PANK1: variants seen among roughly 807,000 people sequenced by gnomAD.
PANK1 encodes the protein pantothenate kinase 1, also known as pantothenic acid kinase 1.
In PANK1, 18 loss-of-function variants were observed where a neutral mutation model predicts 40.1. That is an observed-to-expected ratio of 0.45 (90% CI 0.31 to 0.67). PANK1 has a LOEUF of 0.67. PANK1 is among the 30% of genes least tolerant of loss of function. The pLI, the probability that PANK1 is intolerant of heterozygous loss-of-function variation, is 0.06. For missense variants in PANK1, 457 were observed against 599.6 expected, an observed-to-expected ratio of 0.76 and a Z score of 2.48; for synonymous variants, 242 against 237.7, an observed-to-expected ratio of 1.02 and a Z score of -0.17.
chr10:89,608,438 C>T (rs892687107), intron 2 of PANK1, among the ~76,000 whole-genome samples: 25 of 152,254 alleles, frequency 1.6e-4, no homozygotes. Flanking sequence ...CAGACCTGTT[C>T]AACTGAGAGT....
At chr10:89,637,398 G>A (rs1186935588) in intron 1 of PANK1, among the ~76,000 whole-genome samples, 1 of 152,166 alleles carries the variant, frequency 6.6e-6, no homozygotes, top group South Asian at 2.1e-4. Context: ...AACCCTAGAC[G>A]CTATAGCCTA....
At chr10:89,643,482 C>G (rs1029458576) in intron 1 of PANK1, among the ~76,000 whole-genome samples, 13 of 152,218 alleles carry the variant, frequency 8.5e-5, no homozygotes, top group South Asian at 2.1e-4. Context: ...GAGTCACCCA[C>G]AGTCATGTCA....
At chr10:89,638,201 GAATTTTTCAGTTCCATTAT>G (rs1841877894) in intron 1 of PANK1, among the ~76,000 whole-genome samples, 1 of 152,208 alleles carries the variant, frequency 6.6e-6, no homozygotes. Flanking sequence ...TGGGCAATAA[GAATTTTTCAGTTCCATTAT>G]AATCTTATAG....
At chr10:89,641,250 T>C (rs1413242626) in intron 1 of PANK1, among the ~76,000 whole-genome samples, 1 of 152,230 alleles carries the variant, frequency 6.6e-6, no homozygotes, top group Admixed American at 6.5e-5. Context: ...TATTTATCTT[T>C]TTTATACTGG....
At chr10:89,638,059 A>G (rs567154159) in intron 1 of PANK1, among the ~76,000 whole-genome samples, 38 of 152,330 alleles carry the variant, frequency 2.5e-4, no homozygotes, top group African/African-American at 8.2e-4. Flanking sequence ...TCCCACTAGA[A>G]GGTATTATGT....
rs1156687211 is a variant in PANK1 at position 89,609,311 on chromosome 10, G to A, written c.645+2385C>T. 3.3e-5 allele frequency among the ~76,000 whole-genome samples: 5 copies of A among 152,220 alleles called. No individual in the cohort carries two copies. In the East Asian group the frequency reaches 5.8e-4, roughly 18 times the overall value. Reference sequence around the variant, plus strand: ...ACCCCTGGCCTCAAGCAATCCACCCGCCTCAACCTTCCAAAGTGCTGGGAT... The same window carrying A: ...ACCCCTGGCCTCAAGCAATCCACCCACCTCAACCTTCCAAAGTGCTGGGAT... On this transcript the variant is annotated intron_variant, in intron 2 of 6. Coordinates refer to ENST00000307534, the MANE Select transcript of PANK1 (RefSeq NM_148977.3).
intron 1 of PANK1, chr10:89,643,652 A>T: frequency 6.9e-7 from 1 of 1,450,038 alleles, no homozygotes; most frequent in Non-Finnish European, 9.7e-7. Context: ...GAACAGCATA[A>T]CCTCTATGCA....
intron 1 of PANK1, among the ~76,000 whole-genome samples, chr10:89,620,120 C>T (rs1234866129): frequency 6.6e-6 from 1 of 152,128 alleles, no homozygotes; most frequent in Non-Finnish European, 1.5e-5. Context: ...GGATGTATAT[C>T]CCCTCAGGAC....
chr10:89,635,507 T>G (rs1391407903), intron 1 of PANK1, among the ~76,000 whole-genome samples: 1 of 152,184 alleles, frequency 6.6e-6, no homozygotes, highest in Non-Finnish European at 1.5e-5. Context: ...CTCCCAACAC[T>G]GTTACACTGG....
intron 1 of PANK1, among the ~76,000 whole-genome samples, chr10:89,637,167 A>T (rs1841846345): frequency 1.3e-5 from 2 of 151,976 alleles, no homozygotes; most frequent in South Asian, 4.1e-4. Context: ...CCACCTGAGC[A>T]CCGTTGAGCC....
intron 2 of PANK1, among the ~76,000 whole-genome samples, chr10:89,604,444 C>T (rs571324341): frequency 6.6e-6 from 1 of 152,216 alleles, no homozygotes; most frequent in Non-Finnish European, 1.5e-5. Flanking sequence ...GTAATCCCAG[C>T]ACTTTGGGAG....
chr10:89,640,238 G>A (rs139198392), intron 1 of PANK1, among the ~76,000 whole-genome samples: 8 of 152,192 alleles, frequency 5.3e-5, no homozygotes, highest in South Asian at 4.1e-4. Flanking sequence ...TGGGTAAATC[G>A]AAGCTACTGT....
intron 1 of PANK1, chr10:89,643,931 A>T: frequency 8.3e-7 from 1 of 1,201,966 alleles, no homozygotes; most frequent in Non-Finnish European, 1.1e-6. Flanking sequence ...CCTCAACTCA[A>T]CCTCCCCCTT....
rs777699206 is a variant in PANK1, at chr10:89,644,597, TAC to T, written c.292+1_292+2del. The T allele has an allele frequency of 1.8e-5, 29 of 1,588,658 alleles. No individual in the cohort carries two copies. Among genetic ancestry groups the T allele is most frequent in the Non-Finnish European group, 3.4e-6 (4 of 1,172,488 alleles). On this transcript the variant is annotated splice_donor_variant, in intron 1 of 6. Transcript: ENST00000307534. LOFTEE classifies it high-confidence loss of function. ...CCCGCGCTCCCCTCCCAGCGGGACTTACGCGGCCTGTTCTTTCTCCCCGAGTC... is the reference window on the plus strand; with the variant it reads ...CCCGCGCTCCCCTCCCAGCGGGACTTGCGGCCTGTTCTTTCTCCCCGAGTC...
At chr10:89,596,151 C>T (rs1232375730) in intron 3 of PANK1, among the ~76,000 whole-genome samples, 5 of 151,970 alleles carry the variant, frequency 3.3e-5, no homozygotes, top group East Asian at 3.9e-4. Flanking sequence ...TACAAAACTA[C>T]GGTGGGAACA....
At chr10:89,612,575 A>G (rs958605170) in intron 1 of PANK1, among the ~76,000 whole-genome samples, 1 of 152,204 alleles carries the variant, frequency 6.6e-6, no homozygotes, top group Non-Finnish European at 1.5e-5. Context: ...TTGCTTTATG[A>G]ACTGACTTTA....
intron 2 of PANK1, among the ~76,000 whole-genome samples, chr10:89,602,208 A>G (rs1844808637): frequency 6.6e-6 from 1 of 152,252 alleles, no homozygotes; most frequent in Non-Finnish European, 1.5e-5. Context: ...CTGAAACTAT[A>G]CTAGGAAAAA....
chr10:89,643,133 T>C (rs1189772920), intron 1 of PANK1, among the ~76,000 whole-genome samples: 2 of 152,214 alleles, frequency 1.3e-5, no homozygotes, highest in East Asian at 3.8e-4. Context: ...AAGATTAAGC[T>C]AGAAGCTCCC....
chr10:89,613,323 G>A (rs1845219038), intron 1 of PANK1, among the ~76,000 whole-genome samples: 1 of 152,098 alleles, frequency 6.6e-6, no homozygotes, highest in Admixed American at 6.5e-5. Context: ...TTTTATTTCA[G>A]CCCTAGAGAA....
Sources: gnomAD v4.1 joint callset for allele counts (sites outside exome capture counted in the v4.1 genomes callset) on GRCh38, gnomAD v4.1.1 for gene constraint, MANE v1.5 for transcripts, NCBI Gene and HGNC (gene_info 2026-07-23, HGNC 2026-07-21) for gene names.